The following DYNC2H1 variants were observed in gnomAD, a reference collection of about 807,000 sequenced individuals.
DYNC2H1 encodes the protein cytoplasmic dynein 2 heavy chain 1.
DYNC2H1 carries 410 observed loss-of-function variants against 570.0 expected under a neutral mutation model. The ratio of observed to expected loss-of-function variants is 0.72; its 90% CI spans 0.66 to 0.78. The LOEUF is 0.78. Among genes scored for constraint, DYNC2H1 ranks in the 30% least tolerant of loss-of-function variants. The pLI, the probability that DYNC2H1 is intolerant of heterozygous loss-of-function variation, is 0.00. For missense variants in DYNC2H1, 4,865 were observed against 5,046.4 expected (o/e 0.96, Z 1.09); for synonymous variants, 1,688 against 1,677.6 (o/e 1.01, Z -0.15).
chr11:103,382,573 G>A (rs1344267503), intron 83 of DYNC2H1, among the ~76,000 whole-genome samples: 1 of 152,096 alleles, frequency 6.6e-6, no homozygotes, highest in Non-Finnish European at 1.5e-5. Flanking sequence ...TGCTTATACT[G>A]TTTTTCAAAA....
At chr11:103,278,499 A>AC (rs1865998397) in intron 70 of DYNC2H1, among the ~76,000 whole-genome samples, 1 of 152,170 alleles carries the variant, frequency 6.6e-6, no homozygotes, top group Non-Finnish European at 1.5e-5. Flanking sequence ...GGCTAAGGTC[A>AC]CCTGGCTAGT....
intron 61 of DYNC2H1, among the ~76,000 whole-genome samples, chr11:103,234,635 AT>A (rs975586194): frequency 1.3e-5 from 2 of 151,398 alleles, no homozygotes; most frequent in African/African-American, 4.9e-5. Flanking sequence ...AGTAATGTTG[AT>A]TGTCCTTGTT....
At chr11:103,423,724 A>G (rs1043440652) in intron 84 of DYNC2H1, among the ~76,000 whole-genome samples, 1 of 152,004 alleles carries the variant, frequency 6.6e-6, no homozygotes, top group African/African-American at 2.4e-5. Flanking sequence ...GATTTTTTCA[A>G]AAAACTCAAT....
chr11:103,429,816 G>A (rs142070891), intron 84 of DYNC2H1, among the ~76,000 whole-genome samples: 20 of 152,248 alleles, frequency 1.3e-4, no homozygotes, highest in African/African-American at 4.3e-4. Context: ...AAATTACAGT[G>A]ACCTCTCTGC....
Position 103,277,114 on chromosome 11 carries a change from G to GA in DYNC2H1, c.10696-3226dup, listed in dbSNP as rs1464136792. 5.9e-5 allele frequency among the ~76,000 whole-genome samples: 9 copies of GA among 151,646 alleles called. No individual in the cohort carries two copies. In the South Asian group the frequency reaches 8.3e-4, roughly 14 times the overall value. On this transcript the variant is annotated intron_variant, in intron 70 of 88. Transcript: ENST00000375735. The surrounding 1 kb of genome is among the most constrained non-coding windows in gnomAD (Gnocchi z 4.3). ...CAAATAATGTATACATATAAATAAA[G>GA]AAAAAAAAGTCTCCTTTTCAGTCTC...
rs1011811879 is a variant in DYNC2H1, at chr11:103,142,787, C to T, written c.2575-481C>T. 5.3e-5 allele frequency among the ~76,000 whole-genome samples: 8 copies of T among 152,112 alleles called. 1 individual carries two copies. The highest frequency in any genetic ancestry group is 9.7e-5 in the African/African-American group (4 of 41,414). On this transcript the variant is annotated intron_variant, in intron 17 of 88. Coordinates refer to ENST00000375735, the MANE Select transcript of DYNC2H1 (RefSeq NM_001377.3). ...TCAGGGCTATTTAACAGCTTATTTC[C>T]GTTTAAGTATATCATCCCAACTAAC...
Position 103,255,437 on chromosome 11 carries a change from A to G in DYNC2H1, c.10229A>G (p.His3410Arg). ...AAGCTTTTAGCTTTAACCATTCAGC[A>G]TGAGAAACCTGATTTAGAAGAACAG... ...RGQLLALTIQ[H>R]EKPDLEEQKT... The change falls in exon 67 of 89, where the codon CAT becomes CGT. Residue 3410 changes from histidine (H) to arginine (R), a missense_variant. Physicochemically the swap from His to Arg is conservative, Grantham distance 29 (BLOSUM62 0). This residue lies in a region of DYNC2H1 where 2,401 missense variants were observed against 2,454.6 expected (regional missense o/e 0.98). Coordinates refer to ENST00000375735, the MANE Select transcript of DYNC2H1 (RefSeq NM_001377.3). The G allele has an allele frequency of 6.4e-7, 1 of 1,565,890 alleles. No individual in the cohort carries two copies. The highest frequency in any genetic ancestry group is 8.7e-7 in the Non-Finnish European group (1 of 1,154,320).
chr11:103,305,826 A>G lies in DYNC2H1; in HGVS notation c.11382+1106A>G, dbSNP rs561832301. Among the ~76,000 whole-genome samples, 8 of 152,312 alleles carry G rather than the reference A, an allele frequency of 5.3e-5. No individual in the cohort carries two copies. The South Asian group carries it at 1.7e-3, about 32-fold the overall frequency. ...AGAAGATACAGATTTTGGACTATGA[A>G]TATTCATGTAATTCTATTATGGCTT... On this transcript the variant is annotated intron_variant, in intron 77 of 88. Coordinates refer to ENST00000375735, the MANE Select transcript of DYNC2H1 (RefSeq NM_001377.3). The surrounding 1 kb of genome is among the most constrained non-coding windows in gnomAD (Gnocchi z 4.3).
rs72971580 is a variant in DYNC2H1, at chr11:103,252,010, G to A, written c.10043-1275G>A. ...GTGATCCATAGTTCACTGTAACCTC[G>A]AACTCCTGGGCTCAAATGATCCTCT... On this transcript the variant is annotated intron_variant, in intron 65 of 88. Coordinates refer to ENST00000375735, the MANE Select transcript of DYNC2H1 (RefSeq NM_001377.3). The surrounding 1 kb of genome is among the most constrained non-coding windows in gnomAD (Gnocchi z 4.6). Among the ~76,000 whole-genome samples, 7,555 of 151,962 alleles carry A rather than the reference G, an allele frequency of 0.05. 250 individuals are homozygous for A. Among genetic ancestry groups the A allele is most frequent in the Non-Finnish European group, 0.071 (4,843 of 67,970 alleles).
In DYNC2H1 at chr11:103,113,772, A is replaced by G. The variant is rs185446871; in HGVS notation, c.366+65A>G. The G allele has an allele frequency of 2.6e-5, 33 of 1,252,782 alleles. No individual in the cohort carries two copies. In the Admixed American group the frequency reaches 7.5e-4, roughly 28 times the overall value. 77.6% of individuals were successfully genotyped at this position (1,252,782 alleles called of 1,614,324 possible). A position where few individuals can be genotyped will look rare whatever the true frequency, so the allele number is the denominator to read the frequency against. On this transcript the variant is annotated intron_variant, in intron 2 of 88. Coordinates refer to ENST00000375735, the MANE Select transcript of DYNC2H1 (RefSeq NM_001377.3). ...TGGATAAATGTTTTCATATAAACAT[A>G]AATATCTATTTTTTACTGTTAATGT...
chr11:103,300,287 A>AT (rs1167261827), intron 75 of DYNC2H1, among the ~76,000 whole-genome samples: 1 of 151,882 alleles, frequency 6.6e-6, no homozygotes, highest in African/African-American at 2.4e-5. Flanking sequence ...TCTTATTCTT[A>AT]TTTTTTTGAA....
chr11:103,214,687 C>T (rs1863308544), intron 54 of DYNC2H1, among the ~76,000 whole-genome samples: 1 of 152,000 alleles, frequency 6.6e-6, no homozygotes, highest in African/African-American at 2.4e-5. Flanking sequence ...AAGTGATCCA[C>T]CCATCTCAGC....
In DYNC2H1 at chr11:103,427,241, T is replaced by G. The variant is rs185376319; in HGVS notation, c.12367-8702T>G. ...AAAACAATGTACAAATAATCCACAA[T>G]TTTTTAAACTCTCAAGGAATGTAAT... On this transcript the variant is annotated intron_variant, in intron 84 of 88. Coordinates refer to ENST00000375735, the MANE Select transcript of DYNC2H1 (RefSeq NM_001377.3). Among the ~76,000 whole-genome samples the G allele has an allele frequency of 2.6e-3, 398 of 152,276 alleles. 4 individuals carry two copies. Among genetic ancestry groups the G allele is most frequent in the African/African-American group, 8.8e-3 (366 of 41,572 alleles).
At position 103,209,932 on chromosome 11, in the gene DYNC2H1, A is replaced by C. The variant is rs1336558338; in HGVS notation, c.8511A>C (p.Lys2837Asn). The C allele has an allele frequency of 6.7e-7, 1 of 1,502,058 alleles. No homozygotes were observed. The highest frequency in any genetic ancestry group is 8.9e-7 in the Non-Finnish European group (1 of 1,123,934). The allele number at this position is 1,502,058 out of a possible 1,614,324, so 93.0% of individuals were successfully genotyped here. A position where few individuals can be genotyped will look rare whatever the true frequency, so the allele number is the denominator to read the frequency against. The change falls in exon 53 of 89, where the codon AAA becomes AAC. Residue 2837 changes from lysine to asparagine, a missense_variant. Physicochemically the swap from Lys to Asn is moderately conservative, Grantham distance 94. Coordinates refer to ENST00000375735, the MANE Select transcript of DYNC2H1 (RefSeq NM_001377.3). This position sits in a 1 kb window ranked among gnomAD's most constrained non-coding sequence, Gnocchi z 4.2. ...TGGGEKYNDK[K>N]RKEEKKKNSV... Reference sequence around the variant, plus strand: ...GTGGAGAAAAATACAATGATAAAAAACGAAAAGAAGAAAAGAAAAAAAATT... The same window carrying C: ...GTGGAGAAAAATACAATGATAAAAACCGAAAAGAAGAAAAGAAAAAAAATT...
chr11:103,357,816 G>A (rs1565524290), intron 82 of DYNC2H1, among the ~76,000 whole-genome samples: 1 of 152,154 alleles, frequency 6.6e-6, no homozygotes, highest in Non-Finnish European at 1.5e-5. Flanking sequence ...TGGGCATGGT[G>A]GGACACACCT....
intron 83 of DYNC2H1, among the ~76,000 whole-genome samples, chr11:103,367,311 AG>A (rs1940953995): frequency 6.6e-6 from 1 of 152,162 alleles, no homozygotes; most frequent in Admixed American, 6.6e-5. Context: ...AGATTCTGAA[AG>A]GAAATCTTAA....
chr11:103,127,390 T>C (rs2134743743), intron 12 of DYNC2H1, among the ~76,000 whole-genome samples: 1 of 152,288 alleles, frequency 6.6e-6, no homozygotes, highest in East Asian at 1.9e-4. Context: ...GATAGCAGTA[T>C]GGCTAGATTG....
intron 70 of DYNC2H1, among the ~76,000 whole-genome samples, chr11:103,265,171 T>C (rs1173995185): frequency 6.6e-6 from 1 of 151,896 alleles, no homozygotes; most frequent in African/African-American, 2.4e-5. Context: ...TAAGAACACA[T>C]GGACACAGAG....
chr11:103,210,012 G>T, intron 53 of DYNC2H1, 52 bp downstream of exon 53: 1 of 1,390,786 alleles, frequency 7.2e-7, no homozygotes, highest in Non-Finnish European at 9.4e-7. Flanking sequence ...TGAAATAATT[G>T]CCGTTTTTAA....
Sources: allele counts gnomAD v4.1 joint callset (sites outside exome capture counted in the v4.1 genomes callset), GRCh38; gene constraint gnomAD v4.1.1; regional missense constraint gnomAD v4.1.1; non-coding constraint Gnocchi (gnomAD v3.1); transcripts MANE v1.5; gene names NCBI Gene and HGNC (gene_info 2026-07-23, HGNC 2026-07-21).